The following SETD1A variants were observed in gnomAD, a reference collection of about 807,000 sequenced individuals.
SETD1A encodes the protein histone-lysine N-methyltransferase SETD1A.
SETD1A carries 29 observed loss-of-function variants against 149.9 expected under a neutral mutation model. The ratio of observed to expected loss-of-function variants is 0.19; its 90% CI spans 0.14 to 0.26. The LOEUF (loss-of-function observed/expected upper bound fraction) is 0.26, where lower values mean the gene tolerates loss of function less well. Among genes scored for constraint, SETD1A ranks in the 10% least tolerant of loss-of-function variants. SETD1A has a pLI of 1.00. For missense variants in SETD1A, 2,109 were observed against 2,353.1 expected, an observed-to-expected ratio of 0.90 and a Z score of 2.15; for synonymous variants, 1,141 against 968.5, an observed-to-expected ratio of 1.18 and a Z score of -3.31.
Position 30,984,164 on chromosome 16 carries a change from G to A in SETD1A, c.*141G>A, listed in dbSNP as rs2056423604. ...TGGGGTTGGGGGCCCCAAGCCCAGC[G>A]AGGGAGCCTCAGTCCCTGGAGGCAG... On this transcript the variant is annotated 3_prime_UTR_variant, in exon 19 of 19. Transcript: ENST00000262519. The A allele has an allele frequency of 7.1e-6, 5 of 703,116 alleles. No homozygotes were observed. Among genetic ancestry groups the A allele is most frequent in the Middle Eastern group, 4.0e-4 (1 of 2,478 alleles). 43.6% of individuals were successfully genotyped at this position (703,116 alleles called of 1,614,324 possible).
Position 30,984,541 on chromosome 16 carries a change from C to T in SETD1A, c.*518C>T, listed in dbSNP as rs1464653198. 6.3e-6 allele frequency: 1 copy of T among 159,412 alleles called. No homozygotes were observed. Among genetic ancestry groups the T allele is most frequent in the Non-Finnish European group, 1.4e-5 (1 of 71,848 alleles). 9.9% of individuals were successfully genotyped at this position (159,412 alleles called of 1,614,324 possible). ...GTCACCCTTCCACCCTGGTGTCACTCCCCGGCTCAGCCAGGCCAGGATGGC... is the reference window on the plus strand; with the variant it reads ...GTCACCCTTCCACCCTGGTGTCACTTCCCGGCTCAGCCAGGCCAGGATGGC... On this transcript the variant is annotated 3_prime_UTR_variant, in exon 19 of 19. Transcript: ENST00000262519.
At chr16:30,960,303 C>T (rs141099645) in intron 3 of SETD1A, among the ~76,000 whole-genome samples, 4 of 152,318 alleles carry the variant, frequency 2.6e-5, no homozygotes, top group South Asian at 2.1e-4. Flanking sequence ...GCCTTATCCT[C>T]CGCCTTGACA....
chr16:30,980,598 G>A lies in SETD1A; in HGVS notation c.4522G>A (p.Asp1508Asn), dbSNP rs1010406620. 1.9e-6 allele frequency: 3 copies of A among 1,614,064 alleles called. No homozygotes were observed. Among genetic ancestry groups the A allele is most frequent in the Non-Finnish European group, 2.5e-6 (3 of 1,180,030 alleles). Residue 1508 changes from aspartate (D) to asparagine (N), a missense_variant, in exon 15 of 19, where the codon GAC becomes AAC. Transcript: ENST00000262519. The surrounding 1 kb of genome is among the most constrained non-coding windows in gnomAD (Gnocchi z 7.7). Reference protein sequence around the residue: ...GYYPISKKEKDKYLDVCPVSA... With the variant: ...GYYPISKKEKNKYLDVCPVSA... ...CTACCCCATCAGCAAGAAGGAGAAG[G>A]ACAAGTACCTGGACGTGTGCCCAGT...
At position 30,971,382 on chromosome 16, in the gene SETD1A, G is replaced by C; in HGVS notation, c.3021G>C (p.Glu1007Asp). The C allele has an allele frequency of 1.3e-6, 2 of 1,573,550 alleles. No homozygotes were observed. Among genetic ancestry groups the C allele is most frequent in the East Asian group, 2.3e-5 (1 of 44,322 alleles). The change falls in exon 13 of 19, where the codon GAG becomes GAC. Residue 1007 changes from glutamate (E) to aspartate (D), a missense_variant. This residue lies in a region of SETD1A where 832 missense variants were observed against 815.6 expected (regional missense o/e 1.02). Transcript: ENST00000262519. ...TKKETEVSDGEDEESDSSSKC... is the reference protein window; with the variant it reads ...TKKETEVSDGDDEESDSSSKC... ...CTGCCCCTTCTGGATTTCCAGGCGA[G>C]GACGAGGAAAGCGATTCGTCTTCCA...
At chr16:30,967,786 G>T (rs2056168417) in intron 10 of SETD1A, among the ~76,000 whole-genome samples, 198 bp downstream of exon 10, 1 of 152,162 alleles carries the variant, frequency 6.6e-6, no homozygotes, top group African/African-American at 2.4e-5. Context: ...TCTTCCTCTG[G>T]TCTGCTGATT....
chr16:30,965,962 G>T lies in SETD1A; in HGVS notation c.2081G>T (p.Arg694Leu). The T allele has an allele frequency of 6.2e-7, 1 of 1,602,104 alleles. No individual in the cohort carries two copies. Among genetic ancestry groups the T allele is most frequent in the Non-Finnish European group, 8.5e-7 (1 of 1,173,784 alleles). The stretch of plus-strand genomic sequence containing the variant: ...ATGTTAACTCGGCTCCATCAGCTGC[G>T]GCAGGGCAAGGGATTGATTGCCGCC... ...TQMLTRLHQL[R>L]QGKGLIAASA... is the part of the protein sequence containing the mutation. The change falls in exon 8 of 19, where the codon CGG becomes CTG. Residue 694 changes from arginine to leucine, a missense_variant. Arg to Leu is a moderately radical substitution (Grantham distance 102). Transcript: ENST00000262519.
intron 4 of SETD1A, among the ~76,000 whole-genome samples, chr16:30,962,497 C>T (rs931765421): frequency 1.3e-5 from 2 of 152,136 alleles, no homozygotes; most frequent in Non-Finnish European, 2.9e-5. Flanking sequence ...TGAACACAAG[C>T]GAGGTGGTCT....
chr16:30,962,040 A>G (rs1298434220), intron 4 of SETD1A, among the ~76,000 whole-genome samples: 1 of 149,566 alleles, frequency 6.7e-6, no homozygotes, highest in African/African-American at 2.5e-5. Flanking sequence ...ATGAAGTCTC[A>G]CTACACTGCC....
Position 30,976,956 on chromosome 16 carries a change from C to CT in SETD1A, c.3359-2179dup, listed in dbSNP as rs936344528. Among the ~76,000 whole-genome samples the CT allele has an allele frequency of 3.1e-4, 46 of 148,732 alleles. No homozygotes were observed. In the Middle Eastern group the frequency reaches 0.01, roughly 33 times the overall value. On this transcript the variant is annotated intron_variant, in intron 13 of 18. Transcript: ENST00000262519. ...AGTGAAGGCTCACTGTGTTTCTTCT[C>CT]TTTTTTTTTTGAGATGGAGTCTCGC...
Position 30,980,716 on chromosome 16 carries a change from C to T in SETD1A, c.4582-23C>T, listed in dbSNP as rs781226605. On this transcript the variant is annotated intron_variant, in intron 15 of 18. Transcript: ENST00000262519. The surrounding 1 kb of genome is among the most constrained non-coding windows in gnomAD (Gnocchi z 7.7). Reference sequence around the variant, plus strand: ...ACTCACTTCCCTGCCCTGCTCACCTCCTCCCTGCCGTGTGTCTCACAGGGG... The same window carrying T: ...ACTCACTTCCCTGCCCTGCTCACCTTCTCCCTGCCGTGTGTCTCACAGGGG... 20 of 1,611,480 alleles carry T rather than the reference C, an allele frequency of 1.2e-5. No individual in the cohort carries two copies. Among genetic ancestry groups the T allele is most frequent in the East Asian group, 6.7e-5 (3 of 44,862 alleles).
chr16:30,976,790 A>C (rs1012817492), intron 13 of SETD1A, among the ~76,000 whole-genome samples: 6 of 152,084 alleles, frequency 3.9e-5, no homozygotes, highest in African/African-American at 1.4e-4. Flanking sequence ...CGTGATTGCC[A>C]AGTCCCCTGG....
Position 30,965,608 on chromosome 16 carries a change from C to T in SETD1A, c.1727C>T (p.Pro576Leu), listed in dbSNP as rs2056129551. The change falls in exon 8 of 19, where the codon CCA (proline) becomes CTA (leucine). Residue 576 changes from proline to leucine, a missense_variant. By Grantham distance (98) the Pro-to-Leu change is moderately conservative (BLOSUM62 -3). Coordinates refer to ENST00000262519, the MANE Select transcript of SETD1A (RefSeq NM_014712.3). The stretch of plus-strand genomic sequence containing the variant: ...CCTCTTCTGCCCCCGCAGGCTTCTC[C>T]ATGCTCTTCTGGAGACGACATGGAG... Reference protein sequence around the residue: ...PKANGQNQASPCSSGDDMEIS... With the variant: ...PKANGQNQASLCSSGDDMEIS... 1.2e-6 allele frequency: 2 copies of T among 1,613,352 alleles called. No individual in the cohort carries two copies. Among genetic ancestry groups the T allele is most frequent in the Non-Finnish European group, 1.7e-6 (2 of 1,179,772 alleles).
rs372504540 is a variant in SETD1A at position 30,979,166 on chromosome 16, C to A, written c.3380C>A (p.Pro1127His). 15 of 1,577,008 alleles carry A rather than the reference C, an allele frequency of 9.5e-6. No homozygotes were observed. The highest frequency in any genetic ancestry group is 1.3e-5 in the Non-Finnish European group (15 of 1,161,906). The change falls in exon 14 of 19, where the codon CCC (proline) becomes CAC (histidine). Residue 1127 changes from proline to histidine, a missense_variant. Physicochemically the swap from Pro to His is moderately conservative, Grantham distance 77. Transcript: ENST00000262519. ...RPAGPTEESP[P>H]SAPLRPPEPP... The stretch of plus-strand genomic sequence containing the variant: ...CCAGGCCCCACGGAGGAGTCACCCC[C>A]CAGTGCGCCTCTGCGTCCCCCAGAA...
In SETD1A at chr16:30,961,734, C is replaced by T. The variant is rs373766382; in HGVS notation, c.517+197C>T. Among the ~76,000 whole-genome samples the T allele has an allele frequency of 5.3e-5, 8 of 150,522 alleles. No homozygotes were observed. The East Asian group carries it at 1.6e-3, about 29-fold the overall frequency. ...GTGTGTGTGGTGTCTCCAGCAAGGT[C>T]GGGCAATAGGCCATAATCAAGCACA... On this transcript the variant is annotated intron_variant, in intron 4 of 18. Coordinates refer to ENST00000262519, the MANE Select transcript of SETD1A (RefSeq NM_014712.3). This position sits in a 1 kb window ranked among gnomAD's most constrained non-coding sequence, Gnocchi z 4.0.
Position 30,979,995 on chromosome 16 carries a change from T to TA in SETD1A, c.4209_4210insA (p.Pro1404ThrfsTer17). On this transcript the variant is annotated frameshift_variant, in exon 14 of 19. Transcript: ENST00000262519. LOFTEE classifies it high-confidence loss of function. ...GCTCCCACGCCCGGCGCCGCCGCCC[T>TA]CCGCCCCCACCCCCGCCGCCACCGC... is the stretch of plus-strand genomic sequence containing the variant. The TA allele has an allele frequency of 4.2e-6, 2 of 477,080 alleles. No individual in the cohort carries two copies. Among genetic ancestry groups the TA allele is most frequent in the Non-Finnish European group, 6.4e-6 (2 of 313,562 alleles). 29.6% of individuals were successfully genotyped at this position (477,080 alleles called of 1,614,324 possible).
At chr16:30,959,752 C>CTT (rs10577465) in intron 3 of SETD1A, among the ~76,000 whole-genome samples, 1 of 96,256 alleles carries the variant, frequency 1.0e-5, no homozygotes, top group Non-Finnish European at 2.5e-5. Flanking sequence ...TCTTCTTCTT[C>CTT]TTTTTTTTTT....
chr16:30,964,082 C>CT lies in SETD1A; in HGVS notation c.640-11dup. ...CCCATTCCTCTCTCCTTGCCCTGCT[C>CT]TGTCGCTCTAGGCCGAATCCCGCCG... On this transcript the variant is annotated splice_polypyrimidine_tract_variant and intron_variant, in intron 5 of 18. Coordinates refer to ENST00000262519, the MANE Select transcript of SETD1A (RefSeq NM_014712.3). 1 of 1,608,834 alleles carries CT rather than the reference C, an allele frequency of 6.2e-7. No homozygotes were observed. Among genetic ancestry groups the CT allele is most frequent in the Non-Finnish European group, 8.5e-7 (1 of 1,178,294 alleles).
intron 17 of SETD1A, among the ~76,000 whole-genome samples, chr16:30,981,398 CAT>C (rs2056375915): frequency 6.6e-6 from 1 of 152,164 alleles, no homozygotes; most frequent in African/African-American, 2.4e-5. Context: ...TGTTTTGAGA[CAT>C]AGTCTCTCTC....
Position 30,979,998 on chromosome 16 carries a change from G to GCCCCCCC in SETD1A, c.4217_4218insCCCCCCC (p.Pro1409ThrfsTer14). 2 of 481,348 alleles carry GCCCCCCC rather than the reference G, an allele frequency of 4.2e-6. No homozygotes were observed. Among genetic ancestry groups the GCCCCCCC allele is most frequent in the Non-Finnish European group, 6.4e-6 (2 of 311,918 alleles). 29.8% of individuals were successfully genotyped at this position (481,348 alleles called of 1,614,324 possible). On this transcript the variant is annotated frameshift_variant, in exon 14 of 19. Transcript: ENST00000262519. LOFTEE classifies it high-confidence loss of function. ...CCCACGCCCGGCGCCGCCGCCCTCCGCCCCCACCCCCGCCGCCACCGCCCC... is the reference window on the plus strand; with the variant it reads ...CCCACGCCCGGCGCCGCCGCCCTCCGCCCCCCCCCCCCACCCCCGCCGCCACCGCCCC...
Sources: gnomAD v4.1 joint callset for allele counts (sites outside exome capture counted in the v4.1 genomes callset) on GRCh38, gnomAD v4.1.1 for gene constraint, gnomAD v4.1.1 regional missense constraint, Gnocchi (gnomAD v3.1) non-coding constraint, MANE v1.5 for transcripts, NCBI Gene and HGNC (gene_info 2026-07-23, HGNC 2026-07-21) for gene names.